Variants in ZNF609 observed in about 807,000 individuals in gnomAD.
ZNF609 encodes the protein zinc finger protein 609.
ZNF609 carries 11 observed loss-of-function variants against 109.5 expected under a neutral mutation model. The ratio of observed to expected loss-of-function variants is 0.10; its 90% CI spans 0.06 to 0.17. The LOEUF is 0.17. Ranked by LOEUF, ZNF609 falls within the 10% of genes least tolerant of loss-of-function variation. ZNF609 has a pLI of 1.00. For synonymous variants in ZNF609, 646 were observed against 662.0 expected (o/e 0.98, Z 0.37); for missense variants, 1,559 against 1,772.4 (o/e 0.88, Z 2.16).
At chr15:64,519,606 C>T (rs1187428243) in intron 2 of ZNF609, among the ~76,000 whole-genome samples, 1 of 152,166 alleles carries the variant, frequency 6.6e-6, no homozygotes, top group Non-Finnish European at 1.5e-5. Context: ...AGGAAAAGTT[C>T]GTTTCTCATG....
chr15:64,515,477 C>G (rs957764979), intron 2 of ZNF609, among the ~76,000 whole-genome samples: 1 of 152,146 alleles, frequency 6.6e-6, no homozygotes, highest in Non-Finnish European at 1.5e-5. Context: ...CAGGGCAAAG[C>G]TCCCAGAAAT....
At chr15:64,519,139 C>T (rs118045186) in intron 2 of ZNF609, among the ~76,000 whole-genome samples, 27,877 of 62,092 alleles carry the variant, frequency 0.45, 3,966 homozygotes, top group Admixed American at 0.58. Context: ...GGGGCGGGGG[C>T]GGGTCAGGGA....
intron 2 of ZNF609, among the ~76,000 whole-genome samples, chr15:64,578,807 T>G (rs1895045345): frequency 6.6e-6 from 1 of 152,178 alleles, no homozygotes. Context: ...AAGACCAGCC[T>G]CAGCAACATG....
chr15:64,462,706 C>G (rs544356633), intron 1 of ZNF609, among the ~76,000 whole-genome samples: 52 of 152,322 alleles, frequency 3.4e-4, no homozygotes, highest in Admixed American at 1.1e-3. Flanking sequence ...ATTTGCCTAT[C>G]TGGGCAAGGG....
chr15:64,588,727 C>G (rs2140936264), intron 2 of ZNF609, among the ~76,000 whole-genome samples: 1 of 151,692 alleles, frequency 6.6e-6, no homozygotes, highest in South Asian at 2.1e-4. Context: ...CAAACTCTGC[C>G]TCCAGGGTTC....
intron 3 of ZNF609, among the ~76,000 whole-genome samples, chr15:64,624,786 G>A (rs1895926896): frequency 7.2e-6 from 1 of 138,304 alleles, no homozygotes; most frequent in Admixed American, 7.7e-5. Context: ...TTGAGATGGA[G>A]TCTCACCCTG....
chr15:64,548,501 C>G (rs936700351), intron 2 of ZNF609, among the ~76,000 whole-genome samples: 1 of 152,190 alleles, frequency 6.6e-6, no homozygotes, highest in African/African-American at 2.4e-5. Context: ...TGGCTCATGT[C>G]TGTAATCCTA....
intron 2 of ZNF609, among the ~76,000 whole-genome samples, chr15:64,537,996 C>T (rs905992620): frequency 1.2e-4 from 18 of 151,940 alleles, no homozygotes; most frequent in Admixed American, 1.0e-3. Context: ...ATCCCAGCTA[C>T]TCGGGAGGCT....
At chr15:64,608,724 C>T (rs74400466) in intron 2 of ZNF609, among the ~76,000 whole-genome samples, 2 of 148,356 alleles carry the variant, frequency 1.3e-5, no homozygotes, top group South Asian at 2.1e-4. Context: ...TGCATGCATG[C>T]GTGTGTGTGT....
chr15:64,675,928 C>G lies in ZNF609; in HGVS notation c.3074C>G (p.Ala1025Gly), dbSNP rs1424992870. ...EQQQRGVDKKAEMGLKEREAA... is the reference protein window; with the variant it reads ...EQQQRGVDKKGEMGLKEREAA... Reference sequence around the variant, plus strand: ...CAGCAGCGGGGAGTGGACAAGAAGGCAGAGATGGGCCTGAAGGAGCGGGAG... The same window carrying G: ...CAGCAGCGGGGAGTGGACAAGAAGGGAGAGATGGGCCTGAAGGAGCGGGAG... Residue 1025 changes from alanine to glycine, a missense_variant, in exon 5 of 10, where the codon GCA becomes GGA. Ala to Gly is a moderately conservative substitution (Grantham distance 60, BLOSUM62 0). Around this residue, in one of 4 missense-constraint regions of ZNF609, gnomAD observed 1,204 missense variants for 1,314.1 expected, o/e 0.92. Coordinates refer to ENST00000326648, the MANE Select transcript of ZNF609 (RefSeq NM_015042.2). The G allele has an allele frequency of 6.2e-7, 1 of 1,614,054 alleles. No homozygotes were observed. Among genetic ancestry groups the G allele is most frequent in the African/African-American group, 1.3e-5 (1 of 74,906 alleles).
Position 64,512,585 on chromosome 15 carries a change from G to T in ZNF609, c.747+12419G>T, listed in dbSNP as rs80332633. Among the ~76,000 whole-genome samples, 710 of 152,256 alleles carry T rather than the reference G, an allele frequency of 4.7e-3. 4 individuals are homozygous for T. The highest frequency in any genetic ancestry group is 0.017 in the African/African-American group (688 of 41,554). On this transcript the variant is annotated intron_variant, in intron 2 of 9. Coordinates refer to ENST00000326648, the MANE Select transcript of ZNF609 (RefSeq NM_015042.2). Reference sequence around the variant, plus strand: ...TGGATGCATTCAAAGTAAACATGCTGTTTTAGGAAGAGGAAATATCGCATC... The same window carrying T: ...TGGATGCATTCAAAGTAAACATGCTTTTTTAGGAAGAGGAAATATCGCATC...
At chr15:64,653,109 T>C (rs1896442357) in intron 3 of ZNF609, 1 of 152,272 alleles carries the variant, frequency 6.6e-6, no homozygotes, top group Non-Finnish European at 1.5e-5. Context: ...TGGCTCCAGA[T>C]GCCTGATATG....
intron 2 of ZNF609, among the ~76,000 whole-genome samples, chr15:64,607,334 A>G (rs1321254612): frequency 6.6e-6 from 1 of 152,090 alleles, no homozygotes; most frequent in Admixed American, 6.6e-5. Flanking sequence ...ATATATCTGT[A>G]CCATATATAT....
intron 2 of ZNF609, among the ~76,000 whole-genome samples, chr15:64,517,149 G>A (rs1225749132): frequency 1.3e-5 from 2 of 152,178 alleles, no homozygotes; most frequent in East Asian, 3.9e-4. Context: ...GCCAAAGCAC[G>A]TGGATCACCT....
At chr15:64,557,190 C>CTT (rs11307309) in intron 2 of ZNF609, among the ~76,000 whole-genome samples, 6,692 of 141,572 alleles carry the variant, frequency 0.047, 513 homozygotes, top group African/African-American at 0.16. Context: ...TCTTATTCTT[C>CTT]TTTTTTTTTT....
At chr15:64,501,286 C>T (rs551783187) in intron 2 of ZNF609, 10 of 152,238 alleles carry the variant, frequency 6.6e-5, no homozygotes, top group African/African-American at 2.4e-4. Context: ...GTGGTGGTGC[C>T]CTCTTAGTGC....
rs1053151751 is a variant in ZNF609 at position 64,681,579 on chromosome 15, C to T, written c.*6-113C>T. ...TGAGAGGACCTGTGGAACACAGTGT[C>T]CCCTAGGGACCAGTACTGGCCACTC... On this transcript the variant is annotated intron_variant, in intron 9 of 9. Transcript: ENST00000326648. 7.0e-6 allele frequency: 4 copies of T among 571,866 alleles called. No individual in the cohort carries two copies. The African/African-American group carries it at 7.5e-5, about 11-fold the overall frequency. The allele number at this position is 571,866 out of a possible 1,614,324, so 35.4% of individuals were successfully genotyped here. A position where few individuals can be genotyped will look rare whatever the true frequency, so the allele number is the denominator to read the frequency against.
chr15:64,613,300 C>A (rs896530562), intron 2 of ZNF609, among the ~76,000 whole-genome samples: 2 of 151,934 alleles, frequency 1.3e-5, no homozygotes, highest in African/African-American at 2.4e-5. Context: ...GACAGTGAGA[C>A]CCTGTCTCAG....
At chr15:64,653,373 A>C (rs1356403854) in intron 3 of ZNF609, among the ~76,000 whole-genome samples, 2 of 151,948 alleles carry the variant, frequency 1.3e-5, no homozygotes, top group African/African-American at 4.8e-5. Context: ...CGCCAGGCGC[A>C]GTGGCTCACG....
Sources: gnomAD v4.1 joint callset for allele counts (sites outside exome capture counted in the v4.1 genomes callset) on GRCh38, gnomAD v4.1.1 for gene constraint, gnomAD v4.1.1 regional missense constraint, MANE v1.5 for transcripts, NCBI Gene and HGNC (gene_info 2026-07-23, HGNC 2026-07-21) for gene names.